Variants in RPGRIP1L observed in about 807,000 individuals in gnomAD.
RPGRIP1L encodes the protein RPGRIP1 like, also known as protein fantom.
Under a neutral mutation model 160.4 loss-of-function variants are expected in RPGRIP1L, and 131 were observed. That is an observed-to-expected ratio of 0.82 (90% CI 0.71 to 0.94). The LOEUF (loss-of-function observed/expected upper bound fraction) is 0.94. Among genes scored for constraint, RPGRIP1L ranks in the 40% least tolerant of loss-of-function variants. The probability of loss-of-function intolerance (pLI) is 0.00; values close to 1 mark genes in which losing one functional copy is unlikely to be tolerated. For synonymous variants in RPGRIP1L, 510 were observed against 515.8 expected (o/e 0.99, Z 0.15); for missense variants, 1,522 against 1,535.8 (o/e 0.99, Z 0.15).
At chr16:53,608,988 A>C (rs1963855479) in intron 25 of RPGRIP1L, among the ~76,000 whole-genome samples, 1 of 152,208 alleles carries the variant, frequency 6.6e-6, no homozygotes, top group South Asian at 2.1e-4. Context: ...TGGCACCTGC[A>C]ATACCTCTCT....
chr16:53,640,838 A>T (rs1301956068), intron 19 of RPGRIP1L, among the ~76,000 whole-genome samples, 195 bp downstream of exon 19: 1 of 152,160 alleles, frequency 6.6e-6, no homozygotes, highest in Non-Finnish European at 1.5e-5. Context: ...AAGGGCCCAA[A>T]AAAGGGTTTA....
chr16:53,698,474 C>T (rs1971047385), intron 2 of RPGRIP1L, among the ~76,000 whole-genome samples: 1 of 147,626 alleles, frequency 6.8e-6, no homozygotes, highest in African/African-American at 2.5e-5. Context: ...CGGCCAGCCG[C>T]CCCGTCCAGG....
chr16:53,680,780 G>A (rs1366332930), intron 6 of RPGRIP1L, among the ~76,000 whole-genome samples: 1 of 151,956 alleles, frequency 6.6e-6, no homozygotes, highest in Non-Finnish European at 1.5e-5. Flanking sequence ...ATGGGAGTAA[G>A]GAAGGGAGAG....
chr16:53,657,176 G>A (rs551921238), intron 13 of RPGRIP1L, among the ~76,000 whole-genome samples: 2 of 151,972 alleles, frequency 1.3e-5, no homozygotes, highest in Middle Eastern at 3.4e-3. Context: ...GGAGGCGGAG[G>A]TTGCAGTGAG....
intron 15 of RPGRIP1L, among the ~76,000 whole-genome samples, chr16:53,650,820 C>T (rs575172692): frequency 3.9e-4 from 59 of 152,246 alleles, no homozygotes; most frequent in African/African-American, 1.4e-3. Flanking sequence ...CGTTTTCCTC[C>T]TACATCACTG....
At chr16:53,664,435 C>T (rs1567855551) in intron 10 of RPGRIP1L, among the ~76,000 whole-genome samples, 1 of 152,158 alleles carries the variant, frequency 6.6e-6, no homozygotes, top group African/African-American at 2.4e-5. Context: ...CTTGCCACCA[C>T]CTCACGTATT....
chr16:53,702,073 AATG>A (rs570084871), intron 1 of RPGRIP1L, among the ~76,000 whole-genome samples: 29 of 152,120 alleles, frequency 1.9e-4, no homozygotes, highest in Non-Finnish European at 3.7e-4. Context: ...TAAAAATAAT[AATG>A]ATGATGATGA....
In RPGRIP1L at chr16:53,645,991, C is replaced by G; in HGVS notation, c.2317G>C (p.Ala773Pro). The G allele has an allele frequency of 6.2e-7, 1 of 1,613,986 alleles. No individual in the cohort carries two copies. The highest frequency in any genetic ancestry group is 8.5e-7 in the Non-Finnish European group (1 of 1,179,932). The change falls in exon 17 of 27, where the codon GCA becomes CCA. Residue 773 changes from alanine (A) to proline (P), a missense_variant. Physicochemically the swap from Ala to Pro is conservative, Grantham distance 27. Coordinates refer to ENST00000647211, the MANE Select transcript of RPGRIP1L (RefSeq NM_015272.5). ...PEHMQSLSQQAPKTAQLSSTD... is the reference protein window; with the variant it reads ...PEHMQSLSQQPPKTAQLSSTD... ...GAACTGAGTTGAGCAGTTTTGGGTG[C>G]TTGCTGACTTAACTGGAAAAACATA...
chr16:53,687,927 G>A lies in RPGRIP1L; in HGVS notation c.568C>T (p.His190Tyr). ...TTGCCATATTTTGTAAACATGGGAT[G>A]TGGAGTTTCTGCTACATCTGCATCT... ...FQDADVAETP[H>Y]PMFTKYGNSL... The change falls in exon 5 of 27, where the codon CAT (histidine) becomes TAT (tyrosine). Residue 190 changes from histidine to tyrosine, a missense_variant. Coordinates refer to ENST00000647211, the MANE Select transcript of RPGRIP1L (RefSeq NM_015272.5). 6.2e-7 allele frequency: 1 copy of A among 1,611,276 alleles called. No individual in the cohort carries two copies. Among genetic ancestry groups the A allele is most frequent in the East Asian group, 2.2e-5 (1 of 44,736 alleles).
chr16:53,656,258 G>A (rs1318477710), intron 14 of RPGRIP1L, among the ~76,000 whole-genome samples: 1 of 152,048 alleles, frequency 6.6e-6, no homozygotes, highest in East Asian at 1.9e-4. Flanking sequence ...CCAGGAGTTT[G>A]AGATGAGCCT....
At chr16:53,654,877 T>C (rs1296399861) in intron 14 of RPGRIP1L, among the ~76,000 whole-genome samples, 1 of 152,226 alleles carries the variant, frequency 6.6e-6, no homozygotes. Flanking sequence ...AAGGTACACA[T>C]TGCTCCTTGA....
At chr16:53,628,144 G>T (rs1193644307) in intron 22 of RPGRIP1L, 1 of 151,522 alleles carries the variant, frequency 6.6e-6, no homozygotes, top group African/African-American at 2.4e-5. Flanking sequence ...GTGTGTGTGT[G>T]TACATAGATA....
chr16:53,697,783 C>T (rs1370052702), intron 2 of RPGRIP1L, among the ~76,000 whole-genome samples: 2 of 151,842 alleles, frequency 1.3e-5, no homozygotes, highest in Non-Finnish European at 2.9e-5. Context: ...CCGGCCGCCA[C>T]CCCGTCTAGG....
chr16:53,638,038 G>A (rs1965951569), intron 20 of RPGRIP1L, among the ~76,000 whole-genome samples, 184 bp from the exon 21 acceptor site: 2 of 151,832 alleles, frequency 1.3e-5, no homozygotes, highest in African/African-American at 4.8e-5. Flanking sequence ...ATAGATAAAT[G>A]GAAATCTGAA....
chr16:53,659,736 C>T (rs961853415), intron 10 of RPGRIP1L: 3 of 151,708 alleles, frequency 2.0e-5, no homozygotes, highest in Non-Finnish European at 4.4e-5. Context: ...AAAATTAAAA[C>T]AAAATTAGCT....
intron 16 of RPGRIP1L, among the ~76,000 whole-genome samples, chr16:53,647,077 G>C (rs747445149): frequency 9.9e-5 from 15 of 152,134 alleles, no homozygotes; most frequent in Non-Finnish European, 2.1e-4. Flanking sequence ...AGTCTAAAAA[G>C]CTTTAAACTA....
At chr16:53,691,869 TA>T (rs1241075682) in intron 4 of RPGRIP1L, among the ~76,000 whole-genome samples, 196 bp downstream of exon 4, 1 of 152,226 alleles carries the variant, frequency 6.6e-6, no homozygotes, top group Non-Finnish European at 1.5e-5. Flanking sequence ...ATGTTTTTAC[TA>T]AACAAATTTG....
rs202149647 is a variant in RPGRIP1L at position 53,692,151 on chromosome 16, A to G, written c.444T>C (p.Thr148=). 185 of 1,613,058 alleles carry G rather than the reference A, an allele frequency of 1.1e-4. No homozygotes were observed. The highest frequency in any genetic ancestry group is 1.3e-5 in the African/African-American group (1 of 74,538). ...QQLQTQGYRQ[T]PYNNVQSRIN... is the part of the protein sequence containing the mutation. ...TACGAGATTGTACATTATTGTATGG[A>G]GTTTGCCTGTAACCCTGGGTTTGAA... The change falls in exon 4 of 27, where the codon ACT becomes ACC. Residue 148 remains threonine, a synonymous_variant. Coordinates refer to ENST00000647211, the MANE Select transcript of RPGRIP1L (RefSeq NM_015272.5).
At chr16:53,624,690 G>A (rs1964961706) in intron 22 of RPGRIP1L, among the ~76,000 whole-genome samples, 1 of 152,144 alleles carries the variant, frequency 6.6e-6, no homozygotes, top group Admixed American at 6.5e-5. Flanking sequence ...CTAGGTGGTA[G>A]GGTACTATTA....
Sources: gnomAD v4.1 joint callset for allele counts (sites outside exome capture counted in the v4.1 genomes callset) on GRCh38, gnomAD v4.1.1 for gene constraint, MANE v1.5 for transcripts, NCBI Gene and HGNC (gene_info 2026-07-23, HGNC 2026-07-21) for gene names.